Variants in PFKFB3 observed in about 807,000 individuals in gnomAD.
PFKFB3 encodes 6-phosphofructo-2-kinase/fructose-2,6-biphosphatase 3.
In PFKFB3, 33 loss-of-function variants were observed where a neutral mutation model predicts 68.0. The ratio of observed to expected loss-of-function variants is 0.49; its 90% CI spans 0.37 to 0.65. PFKFB3 has a LOEUF of 0.65. Among genes scored for constraint, PFKFB3 ranks in the 30% least tolerant of loss-of-function variants. The probability of loss-of-function intolerance (pLI) is 0.00; values close to 1 mark genes in which losing one functional copy is unlikely to be tolerated. For synonymous variants in PFKFB3, 315 were observed against 288.2 expected (o/e 1.09, Z -0.94); for missense variants, 586 against 712.2 (o/e 0.82, Z 2.02).
the PFKFB3 span, among the ~76,000 whole-genome samples, chr10:6,285,082 G>A: frequency 6.6e-6 from 1 of 152,102 alleles, no homozygotes; most frequent in Non-Finnish European, 1.5e-5. Flanking sequence ...CCTGCTTTCA[G>A]TTCTTTGGGG....
chr10:6,174,785 C>T (rs1842413408), intron 1 of PFKFB3, among the ~76,000 whole-genome samples: 1 of 151,886 alleles, frequency 6.6e-6, no homozygotes, highest in African/African-American at 2.4e-5. Context: ...AACTCTGGGC[C>T]TGAGGAATAG....
intron 14 of PFKFB3, 66 bp downstream of exon 14, chr10:6,226,431 G>A: frequency 6.7e-7 from 1 of 1,483,160 alleles, no homozygotes; most frequent in East Asian, 2.3e-5. Context: ...ACAGATCTGG[G>A]ATTGCGTGCG....
At chr10:6,185,614 C>T (rs1317675704) in intron 1 of PFKFB3, among the ~76,000 whole-genome samples, 1 of 149,940 alleles carries the variant, frequency 6.7e-6, no homozygotes, top group Non-Finnish European at 1.5e-5. Context: ...CCCAGTTATA[C>T]CAGATCAGTA....
chr10:6,302,569 CG>C, the PFKFB3 span, among the ~76,000 whole-genome samples: 1 of 136,164 alleles, frequency 7.3e-6, no homozygotes, highest in Non-Finnish European at 1.6e-5. Context: ...TTAGTAGAGA[CG>C]GGGTTTCACC....
chr10:6,162,274 CATTCATCTGTTGTTGGACACATGG>C (rs1404032588), intron 1 of PFKFB3, among the ~76,000 whole-genome samples: 1 of 152,152 alleles, frequency 6.6e-6, no homozygotes, highest in African/African-American at 2.4e-5. Flanking sequence ...TTTGTGTATC[CATTCATCTGTTGTTGGACACATGG>C]ATTACTCTAC....
rs76713914 is a variant in PFKFB3, at chr10:6,228,695, A to T, written c.1515+2330A>T. On this transcript the variant is annotated intron_variant, in intron 14 of 14. Coordinates refer to ENST00000379775, the MANE Select transcript of PFKFB3 (RefSeq NM_004566.4). This position sits in a 1 kb window ranked among gnomAD's most constrained non-coding sequence, Gnocchi z 4.5. ...AACCAAACCTATGGGGAATAGTGGGAGTGTGGTGGGGCCTGAGCTCTGAGC... is the reference window on the plus strand; with the variant it reads ...AACCAAACCTATGGGGAATAGTGGGTGTGTGGTGGGGCCTGAGCTCTGAGC... 5.9e-5 allele frequency among the ~76,000 whole-genome samples: 1 copy of T among 17,034 alleles called. No homozygotes were observed. Among genetic ancestry groups the T allele is most frequent in the African/African-American group, 1.4e-4 (1 of 7,010 alleles). 11.2% of individuals were successfully genotyped at this position (17,034 alleles called of 152,430 possible).
chr10:6,287,255 A>G, the PFKFB3 span, among the ~76,000 whole-genome samples: 1 of 151,888 alleles, frequency 6.6e-6, no homozygotes. Flanking sequence ...ATGCCCATCT[A>G]ACTTTTGTAT....
At chr10:6,272,002 A>C in the PFKFB3 span, among the ~76,000 whole-genome samples, 4 of 152,222 alleles carry the variant, frequency 2.6e-5, no homozygotes, top group Non-Finnish European at 5.9e-5. Context: ...ATCTGTGCTT[A>C]GCACTGAGGA....
Position 6,220,092 on chromosome 10 carries a change from C to T in PFKFB3, c.623+399C>T, listed in dbSNP as rs78882842. 1.4e-5 allele frequency among the ~76,000 whole-genome samples: 2 copies of T among 143,492 alleles called. No homozygotes were observed. The highest frequency in any genetic ancestry group is 2.9e-5 in the African/African-American group (1 of 34,438). The allele number at this position is 143,492 out of a possible 152,430, so 94.1% of individuals were successfully genotyped here. ...TTCCATTTATTTATTTATTTATTTA[C>T]TTACTTACTTGCTTGCCTGCTTGCT... On this transcript the variant is annotated intron_variant, in intron 7 of 14. Coordinates refer to ENST00000379775, the MANE Select transcript of PFKFB3 (RefSeq NM_004566.4). This position sits in a 1 kb window ranked among gnomAD's most constrained non-coding sequence, Gnocchi z 4.1.
At chr10:6,210,048 G>GGTGCACCCCTCTCTTGTTCT (rs1294381155) in intron 1 of PFKFB3, among the ~76,000 whole-genome samples, 10 of 122,936 alleles carry the variant, frequency 8.1e-5, no homozygotes, top group Non-Finnish European at 1.6e-4. Flanking sequence ...CACCGTGCCC[G>GGTGCACCCCTCTCTTGTTCT]GCCTAATACT....
At chr10:6,204,899 G>C (rs1843583962) in intron 1 of PFKFB3, among the ~76,000 whole-genome samples, 1 of 152,250 alleles carries the variant, frequency 6.6e-6, no homozygotes, top group Admixed American at 6.5e-5. Flanking sequence ...ACGGGTCTGA[G>C]AGGAGTGTCC....
the PFKFB3 span, among the ~76,000 whole-genome samples, chr10:6,319,473 G>C: frequency 6.6e-5 from 10 of 152,130 alleles, no homozygotes; most frequent in Admixed American, 2.0e-4. Flanking sequence ...CATGGACATA[G>C]AAAGTAAAAT....
chr10:6,298,687 C>G, the PFKFB3 span, among the ~76,000 whole-genome samples: 1 of 152,106 alleles, frequency 6.6e-6, no homozygotes, highest in Non-Finnish European at 1.5e-5. Flanking sequence ...ATTTTCAGGG[C>G]ATCCTGAAAG....
At chr10:6,165,503 A>G (rs914252176) in intron 1 of PFKFB3, among the ~76,000 whole-genome samples, 3 of 152,210 alleles carry the variant, frequency 2.0e-5, no homozygotes, top group Non-Finnish European at 4.4e-5. Context: ...CCCTGGGGGC[A>G]CAAAACAGAT....
chr10:6,182,712 G>A (rs1842752955), intron 1 of PFKFB3, among the ~76,000 whole-genome samples: 1 of 152,194 alleles, frequency 6.6e-6, no homozygotes. Context: ...TCAGAGCCTG[G>A]GTGTGGGGGC....
At chr10:6,178,533 A>G (rs584797) in intron 1 of PFKFB3, among the ~76,000 whole-genome samples, 125,536 of 151,622 alleles carry the variant, frequency 0.83, 51,990 homozygotes, top group African/African-American at 0.88. Flanking sequence ...CACAACAGGG[A>G]GGTGAAGCCA....
the PFKFB3 span, among the ~76,000 whole-genome samples, chr10:6,269,191 T>C: frequency 3.3e-5 from 5 of 151,866 alleles, no homozygotes; most frequent in African/African-American, 4.8e-5. Flanking sequence ...AGTATATTTT[T>C]ACTTCCCTAT....
At chr10:6,177,717 G>A (rs534177121) in intron 1 of PFKFB3, among the ~76,000 whole-genome samples, 5 of 151,828 alleles carry the variant, frequency 3.3e-5, no homozygotes, top group South Asian at 2.1e-4. Flanking sequence ...TAGTAGAGAC[G>A]GGGTTTCACC....
At chr10:6,285,972 G>GT in the PFKFB3 span, among the ~76,000 whole-genome samples, 2,722 of 89,076 alleles carry the variant, frequency 0.031, 172 homozygotes, top group Non-Finnish European at 0.04. Flanking sequence ...TCCTTTCACT[G>GT]TTTTTTTTTT....
Sources: allele counts gnomAD v4.1 joint callset (sites outside exome capture counted in the v4.1 genomes callset), GRCh38; gene constraint gnomAD v4.1.1; non-coding constraint Gnocchi (gnomAD v3.1); transcripts MANE v1.5; gene names NCBI Gene and HGNC (gene_info 2026-07-23, HGNC 2026-07-21).